Variants in WDR72 observed in about 807,000 individuals in gnomAD.
The protein encoded by WDR72 is WD repeat-containing protein 72.
Under a neutral mutation model 124.2 loss-of-function variants are expected in WDR72, and 120 were observed. The ratio of observed to expected loss-of-function variants is 0.97; its 90% CI spans 0.83 to 1.12. WDR72 has a LOEUF of 1.12. WDR72 is among the 50% of genes most tolerant of loss of function. WDR72 has a pLI of 0.00. For synonymous variants in WDR72, 452 were observed against 441.7 expected (o/e 1.02, Z -0.29); for missense variants, 1,387 against 1,278.8 (o/e 1.08, Z -1.29).
chr15:53,542,965 T>G (rs1433045938), intron 18 of WDR72, among the ~76,000 whole-genome samples: 1 of 152,120 alleles, frequency 6.6e-6, no homozygotes, highest in East Asian at 1.9e-4. Context: ...ATATATGCAC[T>G]CAACACAGGA....
intron 3 of WDR72, among the ~76,000 whole-genome samples, chr15:53,720,586 T>G (rs2017850146): frequency 6.6e-6 from 1 of 152,218 alleles, no homozygotes; most frequent in South Asian, 2.1e-4. Context: ...TTTTCAAAAG[T>G]GTTTTTGTTG....
At chr15:53,613,097 T>A (rs2013614020) in intron 16 of WDR72, among the ~76,000 whole-genome samples, 3 of 152,064 alleles carry the variant, frequency 2.0e-5, no homozygotes, top group African/African-American at 7.2e-5. Context: ...AGGATAGAAC[T>A]GTCATTTATT....
At chr15:53,744,388 T>C (rs1297564509) in intron 1 of WDR72, among the ~76,000 whole-genome samples, 2 of 152,218 alleles carry the variant, frequency 1.3e-5, no homozygotes, top group Non-Finnish European at 2.9e-5. Flanking sequence ...TATATCCACG[T>C]CTAAGAAATA....
At chr15:53,539,687 C>T (rs564546699) in intron 18 of WDR72, among the ~76,000 whole-genome samples, 12 of 149,082 alleles carry the variant, frequency 8.0e-5, no homozygotes, top group African/African-American at 2.9e-4. Flanking sequence ...TACCTACATA[C>T]AGAAAGTGAG....
intron 7 of WDR72, 68 bp downstream of exon 7, chr15:53,712,704 A>G (rs1038330089): frequency 9.8e-6 from 14 of 1,430,448 alleles, no homozygotes; most frequent in Admixed American, 9.2e-5. Flanking sequence ...TCATATTCTT[A>G]TTTTTGTACA....
intron 13 of WDR72, among the ~76,000 whole-genome samples, chr15:53,693,531 T>A (rs1379019384): frequency 6.6e-6 from 1 of 152,214 alleles, no homozygotes; most frequent in Non-Finnish European, 1.5e-5. Flanking sequence ...TTCTTTATAT[T>A]TTTATCTTTT....
chr15:53,758,777 G>C (rs7183592), intron 1 of WDR72, among the ~76,000 whole-genome samples: 4 of 121,316 alleles, frequency 3.3e-5, no homozygotes, highest in Non-Finnish European at 3.6e-5. Flanking sequence ...GCGGGGGGGG[G>C]GGGGGCGGTG....
chr15:53,559,558 C>A (rs1409507632), intron 18 of WDR72, among the ~76,000 whole-genome samples: 1 of 151,980 alleles, frequency 6.6e-6, no homozygotes, highest in Non-Finnish European at 1.5e-5. Flanking sequence ...TAGCTCTATT[C>A]GGGGCCTCCT....
Position 53,609,652 on chromosome 15 carries a change from A to G in WDR72, c.2873-60T>C. ...GTATTAAAAATGGATAATGGCTCTT[A>G]AGATGGGCTGCATATTAGAATCACC... On this transcript the variant is annotated intron_variant, in intron 16 of 19. Coordinates refer to ENST00000360509, the MANE Select transcript of WDR72 (RefSeq NM_182758.4). 2.1e-6 allele frequency: 3 copies of G among 1,404,350 alleles called. No homozygotes were observed. In the South Asian group the frequency reaches 3.5e-5, roughly 16 times the overall value. 87.0% of individuals were successfully genotyped at this position (1,404,350 alleles called of 1,614,324 possible).
intron 13 of WDR72, among the ~76,000 whole-genome samples, chr15:53,690,075 G>A (rs1404017609): frequency 8.4e-6 from 1 of 119,358 alleles, no homozygotes; most frequent in East Asian, 3.0e-4. Flanking sequence ...GTGGGGTGGG[G>A]GGAGGGGGGA....
intron 18 of WDR72, among the ~76,000 whole-genome samples, chr15:53,567,436 A>G (rs1056447110): frequency 6.6e-6 from 1 of 152,010 alleles, no homozygotes; most frequent in Admixed American, 6.6e-5. Flanking sequence ...GGAAACAAAA[A>G]GCCCAAAAAA....
intron 13 of WDR72, among the ~76,000 whole-genome samples, chr15:53,696,886 C>T (rs2017018913): frequency 6.6e-6 from 1 of 152,152 alleles, no homozygotes. Context: ...GTTGGGCCAC[C>T]AGCCACCTTC....
intron 14 of WDR72, among the ~76,000 whole-genome samples, chr15:53,636,632 T>A (rs2014633771): frequency 6.6e-6 from 1 of 152,192 alleles, no homozygotes. Context: ...ACATTGAGAA[T>A]CTACTATGTA....
chr15:53,523,993 T>C (rs1392422164), intron 18 of WDR72, among the ~76,000 whole-genome samples: 1 of 152,050 alleles, frequency 6.6e-6, no homozygotes. Context: ...TATAAACCCA[T>C]GGTACCGACT....
chr15:53,613,212 C>T (rs1595793731), intron 16 of WDR72, among the ~76,000 whole-genome samples: 2 of 151,884 alleles, frequency 1.3e-5, no homozygotes, highest in East Asian at 3.9e-4. Context: ...TCTGAAATTG[C>T]AAGAAAATTA....
chr15:53,734,613 G>T (rs2018296522), intron 1 of WDR72, among the ~76,000 whole-genome samples: 1 of 152,040 alleles, frequency 6.6e-6, no homozygotes, highest in African/African-American at 2.4e-5. Flanking sequence ...ATAAGTATTA[G>T]AACTAAATTA....
intron 18 of WDR72, among the ~76,000 whole-genome samples, chr15:53,531,035 C>T (rs1892429130): frequency 6.6e-6 from 1 of 151,966 alleles, no homozygotes; most frequent in Non-Finnish European, 1.5e-5. Context: ...CTTTCATCTC[C>T]CAGATAGGAA....
chr15:53,518,177 T>C (rs763890630), intron 19 of WDR72, among the ~76,000 whole-genome samples: 1 of 152,096 alleles, frequency 6.6e-6, no homozygotes, highest in African/African-American at 2.4e-5. Flanking sequence ...AATTTATTAG[T>C]TGAAATACTG....
At chr15:53,598,474 T>G (rs1386009144) in intron 17 of WDR72, among the ~76,000 whole-genome samples, 1 of 152,010 alleles carries the variant, frequency 6.6e-6, no homozygotes, top group Non-Finnish European at 1.5e-5. Flanking sequence ...TGTATTTATG[T>G]AAACAAATTA....
Sources: allele counts gnomAD v4.1 joint callset (sites outside exome capture counted in the v4.1 genomes callset), GRCh38; gene constraint gnomAD v4.1.1; transcripts MANE v1.5; gene names NCBI Gene and HGNC (gene_info 2026-07-23, HGNC 2026-07-21).